The following DDAH1 variants were observed in gnomAD, a reference collection of about 807,000 sequenced individuals.
The protein encoded by DDAH1 is dimethylarginine dimethylaminohydrolase 1.
A neutral mutation model predicts 28.8 loss-of-function variants in DDAH1; 19 were observed. The ratio of observed to expected loss-of-function variants is 0.66; its 90% CI spans 0.46 to 0.97. The LOEUF is 0.97. Ranked by LOEUF, DDAH1 falls within the 50% of genes least tolerant of loss-of-function variation. The pLI is 0.00. For synonymous variants in DDAH1, 153 were observed against 154.4 expected, an observed-to-expected ratio of 0.99 and a Z score of 0.07; for missense variants, 326 against 375.9, an observed-to-expected ratio of 0.87 and a Z score of 1.10.
intron 1 of DDAH1, among the ~76,000 whole-genome samples, chr1:85,426,771 G>C (rs1653411919): frequency 6.6e-6 from 1 of 151,668 alleles, no homozygotes; most frequent in African/African-American, 2.4e-5. Flanking sequence ...ACTTAGCTAG[G>C]CATGGTGGTG....
At chr1:85,373,858 A>T in intron 1 of DDAH1, among the ~76,000 whole-genome samples, 1 of 152,134 alleles carries the variant, frequency 6.6e-6, no homozygotes, top group Non-Finnish European at 1.5e-5. Context: ...TATGCCTGTT[A>T]AGTATACCTC....
chr1:85,381,676 C>T (rs1651000923), intron 1 of DDAH1, among the ~76,000 whole-genome samples: 2 of 151,986 alleles, frequency 1.3e-5, no homozygotes, highest in South Asian at 2.1e-4. Context: ...TACAAGCATA[C>T]CTTGTTTTAT....
intron 1 of DDAH1, among the ~76,000 whole-genome samples, chr1:85,552,403 A>T (rs1026913677): frequency 6.6e-6 from 1 of 152,224 alleles, no homozygotes; most frequent in Non-Finnish European, 1.5e-5. Context: ...TTTTCCTCGT[A>T]CAATATACCT....
chr1:85,368,806 T>C (rs913857338), intron 1 of DDAH1, among the ~76,000 whole-genome samples: 24 of 152,176 alleles, frequency 1.6e-4, no homozygotes, highest in African/African-American at 5.8e-4. Flanking sequence ...GTGCACATGA[T>C]CCAAAATAAG....
chr1:85,324,539 A>C (rs745653482), intron 5 of DDAH1, among the ~76,000 whole-genome samples: 43 of 152,152 alleles, frequency 2.8e-4, no homozygotes, highest in Non-Finnish European at 4.6e-4. Flanking sequence ...CATCTCAATT[A>C]CTATGCATGC....
intron 1 of DDAH1, among the ~76,000 whole-genome samples, chr1:85,397,890 T>C (rs1407699337): frequency 1.3e-5 from 2 of 152,112 alleles, no homozygotes; most frequent in Non-Finnish European, 2.9e-5. Context: ...CCTAGCCTCC[T>C]ACCATAAGTA....
At chr1:85,415,836 C>T (rs913883482) in intron 1 of DDAH1, among the ~76,000 whole-genome samples, 2 of 152,128 alleles carry the variant, frequency 1.3e-5, no homozygotes, top group Non-Finnish European at 2.9e-5. Flanking sequence ...AATAAGTATA[C>T]AGGTATTCAT....
At chr1:85,386,985 G>T (rs1335957855) in intron 1 of DDAH1, among the ~76,000 whole-genome samples, 1 of 152,198 alleles carries the variant, frequency 6.6e-6, no homozygotes, top group Non-Finnish European at 1.5e-5. Context: ...AGGGACTGGG[G>T]GGTAGTGTCC....
At chr1:85,441,153 T>C (rs750838600) in intron 1 of DDAH1, among the ~76,000 whole-genome samples, 1 of 152,202 alleles carries the variant, frequency 6.6e-6, no homozygotes, top group Non-Finnish European at 1.5e-5. Flanking sequence ...ATAGCAATAC[T>C]CACCTGGATT....
chr1:85,388,836 G>C (rs1651405884), intron 1 of DDAH1, among the ~76,000 whole-genome samples: 1 of 152,146 alleles, frequency 6.6e-6, no homozygotes, highest in African/African-American at 2.4e-5. Context: ...TTGGCATCCT[G>C]ACTGACAGTC....
In DDAH1 at chr1:85,319,694, G is replaced by A. The variant is rs1231711249; in HGVS notation, c.*1758C>T. On this transcript the variant is annotated 3_prime_UTR_variant, in exon 6 of 6. Transcript: ENST00000284031. ...CAAAATATGACAGTGACCAAGACGT[G>A]GTTTATTCACAGGATGCACATAATT... is the stretch of plus-strand genomic sequence containing the variant. 2.0e-5 allele frequency: 3 copies of A among 152,108 alleles called. No individual in the cohort carries two copies. Among genetic ancestry groups the A allele is most frequent in the Admixed American group, 2.0e-4 (3 of 15,274 alleles). 9.4% of individuals were successfully genotyped at this position (152,108 alleles called of 1,614,324 possible). A position where few individuals can be genotyped will look rare whatever the true frequency, so the allele number is the denominator to read the frequency against.
At chr1:85,453,172 T>G (rs1300585632) in intron 1 of DDAH1, among the ~76,000 whole-genome samples, 1 of 152,212 alleles carries the variant, frequency 6.6e-6, no homozygotes, top group Non-Finnish European at 1.5e-5. Flanking sequence ...TGGCATTTAC[T>G]TTCAAGAAAA....
intron 1 of DDAH1, among the ~76,000 whole-genome samples, chr1:85,508,704 A>T (rs1480123262): frequency 6.6e-6 from 1 of 152,210 alleles, no homozygotes; most frequent in African/African-American, 2.4e-5. Flanking sequence ...ACACCCATGG[A>T]TCCTTGCTCA....
chr1:85,392,354 C>G (rs1043735908), intron 1 of DDAH1, among the ~76,000 whole-genome samples: 1 of 152,264 alleles, frequency 6.6e-6, no homozygotes, highest in South Asian at 2.1e-4. Flanking sequence ...CTCTAATTAC[C>G]TCATTTTAAT....
At chr1:85,449,923 T>C (rs1654589764) in intron 1 of DDAH1, among the ~76,000 whole-genome samples, 1 of 152,140 alleles carries the variant, frequency 6.6e-6, no homozygotes, top group Non-Finnish European at 1.5e-5. Flanking sequence ...GGCAGGATTC[T>C]TGTCCCTTCC....
At position 85,400,641 on chromosome 1, in the gene DDAH1, C is replaced by A. The variant is rs146854598; in HGVS notation, c.304-41794G>T. ...TCATTACGCACTGTCCACATGGGAT[C>A]CCCAGGAAGAAATTTTTCTCTGAGC... On this transcript the variant is annotated intron_variant, in intron 1 of 5. Transcript: ENST00000284031. Among the ~76,000 whole-genome samples the A allele has an allele frequency of 4.9e-3, 744 of 152,198 alleles. 2 individuals carry two copies. The highest frequency in any genetic ancestry group is 0.017 in the African/African-American group (714 of 41,522).
At chr1:85,574,576 T>C (rs61146829) in intron 1 of DDAH1, among the ~76,000 whole-genome samples, 2,083 of 152,302 alleles carry the variant, frequency 0.014, 53 homozygotes, top group African/African-American at 0.047. Flanking sequence ...GGCAGTGAAG[T>C]ATCCACACAG....
chr1:85,453,649 T>C (rs997231200), intron 1 of DDAH1, among the ~76,000 whole-genome samples: 17 of 152,216 alleles, frequency 1.1e-4, no homozygotes, highest in Non-Finnish European at 2.2e-4. Flanking sequence ...CATATATACT[T>C]TGTCAGAATG....
chr1:85,339,271 A>G (rs1389451161), intron 4 of DDAH1, among the ~76,000 whole-genome samples: 1 of 152,074 alleles, frequency 6.6e-6, no homozygotes, highest in African/African-American at 2.4e-5. Context: ...TGTTTTTGGA[A>G]CCCTATAACG....
Sources: gnomAD v4.1 joint callset for allele counts (sites outside exome capture counted in the v4.1 genomes callset) on GRCh38, gnomAD v4.1.1 for gene constraint, MANE v1.5 for transcripts, NCBI Gene and HGNC (gene_info 2026-07-23, HGNC 2026-07-21) for gene names.